The following BMP8A variants were observed in gnomAD, a reference collection of about 807,000 sequenced individuals.
BMP8A encodes the protein BMP-8A.
BMP8A carries 14 observed loss-of-function variants against 36.8 expected under a neutral mutation model. The observed-to-expected ratio is 0.38, with a 90% CI of 0.25 to 0.60. BMP8A has a LOEUF of 0.60. Among genes scored for constraint, BMP8A ranks in the 20% least tolerant of loss-of-function variants. The pLI is 0.63. For synonymous variants in BMP8A, 120 were observed against 237.7 expected, an observed-to-expected ratio of 0.50 and a Z score of 4.55; for missense variants, 267 against 551.1, an observed-to-expected ratio of 0.48 and a Z score of 5.16.
rs1458377949 is a variant in BMP8A, at chr1:39,526,977, T to C, written c.*1179T>C. Among the ~76,000 whole-genome samples the C allele has an allele frequency of 1.3e-5, 2 of 152,184 alleles. No individual in the cohort carries two copies. The highest frequency in any genetic ancestry group is 2.9e-5 in the Non-Finnish European group (2 of 68,044). On this transcript the variant is annotated 3_prime_UTR_variant, in exon 7 of 7. Coordinates refer to ENST00000331593, the MANE Select transcript of BMP8A (RefSeq NM_181809.4). ...ACTGCAGACAGCCACCACCAGGCAT[T>C]GTCAATAAGACCTCAGTTCCCCCTC...
At chr1:39,495,030 G>A (rs1645193212) in intron 1 of BMP8A, among the ~76,000 whole-genome samples, 1 of 151,586 alleles carries the variant, frequency 6.6e-6, no homozygotes, top group East Asian at 2.0e-4. Flanking sequence ...GGGGTGGGTG[G>A]GGGGTGGATA....
rs780585576 is a variant in BMP8A, at chr1:39,492,297, C to G, written c.306C>G (p.Ala102=). 1.3e-6 allele frequency: 2 copies of G among 1,562,888 alleles called. No homozygotes were observed. Among genetic ancestry groups the G allele is most frequent in the Non-Finnish European group, 1.7e-6 (2 of 1,165,712 alleles). ...GAPAEQRLGR[A]DLVMSFVNMV... ...CCGCGGAGCAGCGCCTGGGCCGCGC[C>G]GACCTGGTCATGAGCTTCGTCAACA... is the stretch of plus-strand genomic sequence containing the variant. The change falls in exon 1 of 7, where the codon GCC becomes GCG. Residue 102 remains alanine (A), a synonymous_variant. Coordinates refer to ENST00000331593, the MANE Select transcript of BMP8A (RefSeq NM_181809.4).
chr1:39,510,383 C>T (rs1645342500), intron 1 of BMP8A, among the ~76,000 whole-genome samples: 1 of 109,368 alleles, frequency 9.1e-6, no homozygotes, highest in African/African-American at 2.9e-5. Context: ...TCCGACTTCC[C>T]CAGCACCTGA....
chr1:39,517,797 G>A (rs1182835353), intron 3 of BMP8A, among the ~76,000 whole-genome samples: 1 of 152,258 alleles, frequency 6.6e-6, no homozygotes, highest in Non-Finnish European at 1.5e-5. Flanking sequence ...ACCGGGTGAT[G>A]GGAGAGACTG....
intron 6 of BMP8A, 70 bp from the exon 7 acceptor site, chr1:39,525,579 G>A: frequency 1.3e-6 from 2 of 1,570,094 alleles, no homozygotes; most frequent in Non-Finnish European, 1.7e-6. Context: ...TGGAGCTGGG[G>A]CGGGGCTAGG....
chr1:39,497,498 G>A (rs2124313795), intron 1 of BMP8A, among the ~76,000 whole-genome samples: 1 of 152,262 alleles, frequency 6.6e-6, no homozygotes, highest in African/African-American at 2.4e-5. Context: ...TTTTGCTTGT[G>A]AAAACTCCAC....
intron 1 of BMP8A, among the ~76,000 whole-genome samples, chr1:39,503,119 T>C (rs1645266311): frequency 6.6e-6 from 1 of 152,006 alleles, no homozygotes; most frequent in Non-Finnish European, 1.5e-5. Context: ...TTCCAGTTAA[T>C]AAATGTAGAA....
At chr1:39,504,567 G>A (rs371543857) in intron 1 of BMP8A, among the ~76,000 whole-genome samples, 1 of 152,160 alleles carries the variant, frequency 6.6e-6, no homozygotes, top group South Asian at 2.1e-4. Context: ...TTAATCTCAG[G>A]GTCGTGGGTT....
At chr1:39,523,546 G>A (rs1215963137) in intron 6 of BMP8A, 54 of 1,382,498 alleles carry the variant, frequency 3.9e-5, no homozygotes, top group African/African-American at 1.8e-4. Context: ...TGGGGTGTGC[G>A]TGTGCACTCA....
intron 3 of BMP8A, among the ~76,000 whole-genome samples, chr1:39,518,240 T>C (rs1292856991): frequency 6.7e-6 from 1 of 148,978 alleles, no homozygotes; most frequent in East Asian, 2.0e-4. Context: ...TTCTCACTGG[T>C]CAAGGACAGA....
At chr1:39,510,728 C>T (rs1208856031) in intron 1 of BMP8A, among the ~76,000 whole-genome samples, 6 of 152,236 alleles carry the variant, frequency 3.9e-5, no homozygotes, top group Non-Finnish European at 7.3e-5. Flanking sequence ...CCTGAGATGC[C>T]GTCGGTTATG....
intron 1 of BMP8A, among the ~76,000 whole-genome samples, chr1:39,507,696 G>T (rs1000870005): frequency 2.0e-5 from 3 of 152,226 alleles, no homozygotes; most frequent in Non-Finnish European, 2.9e-5. Context: ...ATGGGAAGGT[G>T]GGGGCTGGGC....
chr1:39,494,679 A>G (rs541506633), intron 1 of BMP8A, among the ~76,000 whole-genome samples: 1 of 152,200 alleles, frequency 6.6e-6, no homozygotes, highest in East Asian at 1.9e-4. Context: ...ACAGCCTTAC[A>G]ATTCCTCATT....
intron 1 of BMP8A, among the ~76,000 whole-genome samples, chr1:39,505,301 G>C (rs933188127): frequency 6.6e-6 from 1 of 152,276 alleles, no homozygotes; most frequent in African/African-American, 2.4e-5. Flanking sequence ...ACAGTGCATT[G>C]TGTCCCTGGG....
At chr1:39,497,027 G>C (rs553803122) in intron 1 of BMP8A, among the ~76,000 whole-genome samples, 14 of 152,230 alleles carry the variant, frequency 9.2e-5, no homozygotes, top group African/African-American at 3.4e-4. Flanking sequence ...CACATAAATG[G>C]AATCTTACAG....
chr1:39,510,117 C>T (rs1645340049), intron 1 of BMP8A, among the ~76,000 whole-genome samples: 1 of 145,162 alleles, frequency 6.9e-6, no homozygotes. Context: ...CTGCCCCCGT[C>T]CCCTGTGCTT....
rs192521486 is a variant in BMP8A, at chr1:39,501,920, G to A, written c.335-9254G>A. Among the ~76,000 whole-genome samples the A allele has an allele frequency of 3.6e-3, 553 of 152,270 alleles. 3 individuals are homozygous for A. Among genetic ancestry groups the A allele is most frequent in the African/African-American group, 0.013 (522 of 41,538 alleles). Reference sequence around the variant, plus strand: ...GATCTTAGAGTATCTTACTCATGAGGCCTTCTCAAACATCACATCTAAAGA... The same window carrying A: ...GATCTTAGAGTATCTTACTCATGAGACCTTCTCAAACATCACATCTAAAGA... On this transcript the variant is annotated intron_variant, in intron 1 of 6. Transcript: ENST00000331593.
chr1:39,500,762 C>T (rs1174650871), intron 1 of BMP8A, among the ~76,000 whole-genome samples: 1 of 152,040 alleles, frequency 6.6e-6, no homozygotes, highest in African/African-American at 2.4e-5. Flanking sequence ...AAGAGATTCT[C>T]CTGCCTCAGC....
intron 1 of BMP8A, among the ~76,000 whole-genome samples, chr1:39,497,605 C>T (rs1645216397): frequency 6.6e-6 from 1 of 152,232 alleles, no homozygotes; most frequent in Non-Finnish European, 1.5e-5. Context: ...AGAAGCCCCA[C>T]CTGCATTGCA....
Sources: allele counts gnomAD v4.1 joint callset (sites outside exome capture counted in the v4.1 genomes callset), GRCh38; gene constraint gnomAD v4.1.1; transcripts MANE v1.5; gene names NCBI Gene and HGNC (gene_info 2026-07-23, HGNC 2026-07-21).